INCA1: variants seen among roughly 807,000 people sequenced by gnomAD.
INCA1 encodes the protein inhibitor of CDK, cyclin A1 interacting protein 1, also known as protein INCA1.
A neutral mutation model predicts 25.7 loss-of-function variants in INCA1; 28 were observed. The observed-to-expected ratio is 1.09, with a 90% CI of 0.81 to 1.49. The LOEUF is 1.49. INCA1 is among the 40% of genes most tolerant of loss of function. INCA1 has a pLI of 0.00. For missense variants in INCA1, 309 were observed against 290.9 expected, an observed-to-expected ratio of 1.06 and a Z score of -0.45; for synonymous variants, 111 against 103.6, an observed-to-expected ratio of 1.07 and a Z score of -0.43.
intron 1 of INCA1, chr17:4,995,810 A>T (rs1239340406): frequency 2.0e-5 from 3 of 152,266 alleles, no homozygotes; most frequent in Admixed American, 6.5e-5. Context: ...ACATGCCTGT[A>T]ATCCCAGCTA....
exon 7 of INCA1, chr17:4,988,386 C>G (rs749351062): frequency 1.1e-5 from 17 of 1,580,192 alleles, no homozygotes; most frequent in Non-Finnish European, 1.5e-5. Context: ...ACTAGCCTCT[C>G]GGCATCGGTG....
At chr17:4,991,573 G>A (rs1267069607) in intron 2 of INCA1, among the ~76,000 whole-genome samples, 3 of 152,134 alleles carry the variant, frequency 2.0e-5, no homozygotes, top group African/African-American at 7.2e-5. Context: ...CTAAGAAATG[G>A]AGTATGTTAG....
intron 2 of INCA1, among the ~76,000 whole-genome samples, chr17:4,993,215 T>G (rs1171978198): frequency 1.3e-5 from 2 of 151,922 alleles, no homozygotes; most frequent in Non-Finnish European, 2.9e-5. Context: ...GTTTCACTCT[T>G]GTTGCCCGGG....
rs193231608 is a variant in INCA1 at position 4,989,965 on chromosome 17, G to A, written c.159-36C>T. 7.0e-4 allele frequency: 1,124 copies of A among 1,613,860 alleles called. 1 individual carries two copies. Among genetic ancestry groups the A allele is most frequent in the Middle Eastern group, 5.9e-3 (36 of 6,060 alleles). ...CAAAAAGGGGGCTATAAGTGCAGAG[G>A]GGACATGTCCATCCATATTGCTTCT... On this transcript the variant is annotated intron_variant, in intron 3 of 6. Coordinates refer to ENST00000576820, the Ensembl canonical transcript of INCA1.
At chr17:4,989,561 G>C in exon 5 of INCA1, 1 of 1,614,230 alleles carries the variant, frequency 6.2e-7, no homozygotes, top group East Asian at 2.2e-5. Flanking sequence ...CTTCTCCAAA[G>C]CATTTCAGGG....
chr17:4,991,079 C>T (rs1026370611), intron 2 of INCA1, among the ~76,000 whole-genome samples: 4 of 151,442 alleles, frequency 2.6e-5, no homozygotes, highest in African/African-American at 7.3e-5. Flanking sequence ...CTACCACGCC[C>T]GGCCAATTTT....
At chr17:4,996,203 G>T (rs571547551) in intron 1 of INCA1, among the ~76,000 whole-genome samples, 1 of 148,724 alleles carries the variant, frequency 6.7e-6, no homozygotes, top group Non-Finnish European at 1.5e-5. Flanking sequence ...TGGGCAACAT[G>T]GCGAAACCCC....
Position 4,990,278 on chromosome 17 carries a change from C to T in INCA1, c.45-13G>A. 1 of 1,609,102 alleles carries T rather than the reference C, an allele frequency of 6.2e-7. No individual in the cohort carries two copies. The highest frequency in any genetic ancestry group is 8.5e-7 in the Non-Finnish European group (1 of 1,177,486). ...CACCCTGGAACACCTGAGGTGAGGA[C>T]AAGGTAGGCTCGGGTCTGGCTCTTC... On this transcript the variant is annotated splice_polypyrimidine_tract_variant and intron_variant, in intron 2 of 6. Transcript: ENST00000576820.
exon 4 of INCA1, chr17:4,989,895 T>C (rs774146255): frequency 1.9e-6 from 3 of 1,614,168 alleles, no homozygotes; most frequent in Admixed American, 3.3e-5. Context: ...CTTACCAGCA[T>C]GGGTGGAATG....
intron 4 of INCA1, 76 bp downstream of exon 4, chr17:4,989,813 TA>T: frequency 1.9e-6 from 3 of 1,604,612 alleles, no homozygotes; most frequent in Non-Finnish European, 2.6e-6. Flanking sequence ...GAAGCGGTAA[TA>T]AGGAGAGCTT....
exon 7 of INCA1, chr17:4,988,531 G>C: frequency 6.2e-7 from 1 of 1,610,304 alleles, no homozygotes; most frequent in Non-Finnish European, 8.5e-7. Context: ...CCTGATCCAG[G>C]GGGCTCCAGG....
chr17:4,994,334 C>T (rs1344426648), intron 2 of INCA1, 60 bp downstream of exon 2: 13 of 1,482,438 alleles, frequency 8.8e-6, no homozygotes, highest in Admixed American at 8.4e-5. Flanking sequence ...GGGAAGGACC[C>T]AGGCATGCAA....
chr17:4,988,916 C>T lies in INCA1; in HGVS notation c.424G>A (p.Gly142Arg). ...AGCACCACTGGCTCAGATGCAGCCC[C>T]AGAGCTGCCCCACTGGGCCTTCTTC... Residue 142 changes from glycine (G) to arginine (R), a missense_variant, in exon 6 of 7, where the codon GGG becomes AGG. Transcript: ENST00000576820. 6.2e-7 allele frequency: 1 copy of T among 1,614,136 alleles called. No homozygotes were observed. The highest frequency in any genetic ancestry group is 8.5e-7 in the Non-Finnish European group (1 of 1,180,016).
At chr17:4,994,810 AAAAG>A (rs1597821359) in intron 1 of INCA1, among the ~76,000 whole-genome samples, 1 of 151,486 alleles carries the variant, frequency 6.6e-6, no homozygotes, top group Non-Finnish European at 1.5e-5. Flanking sequence ...AAAAAAAAAA[AAAAG>A]GCATTCATTC....
At chr17:4,993,105 C>A (rs2143219237) in intron 2 of INCA1, among the ~76,000 whole-genome samples, 1 of 151,616 alleles carries the variant, frequency 6.6e-6, no homozygotes, top group African/African-American at 2.4e-5. Flanking sequence ...GTCTTGAACC[C>A]CTGACCTAAG....
chr17:4,992,643 C>T (rs1202050357), intron 2 of INCA1, among the ~76,000 whole-genome samples: 2 of 117,046 alleles, frequency 1.7e-5, no homozygotes, highest in African/African-American at 5.6e-5. Flanking sequence ...CTCCCTTCCC[C>T]TCCCCTCCCC....
chr17:4,991,489 G>C (rs1471111694), intron 2 of INCA1, among the ~76,000 whole-genome samples: 1 of 152,194 alleles, frequency 6.6e-6, no homozygotes, highest in East Asian at 1.9e-4. Context: ...AAATAGGAGT[G>C]TGCAGAGCTG....
chr17:4,988,708 T>C, intron 6 of INCA1, 71 bp downstream of exon 6: 1 of 1,594,012 alleles, frequency 6.3e-7, no homozygotes, highest in Non-Finnish European at 8.6e-7. Flanking sequence ...GGCTCTCAGC[T>C]TCTGCATCTC....
At chr17:4,991,292 C>T (rs1339544177) in intron 2 of INCA1, among the ~76,000 whole-genome samples, 3 of 152,216 alleles carry the variant, frequency 2.0e-5, no homozygotes, top group African/African-American at 7.2e-5. Context: ...GCAGGTTGGA[C>T]AAGCTTGCTT....
Sources: gnomAD v4.1 joint callset for allele counts (sites outside exome capture counted in the v4.1 genomes callset) on GRCh38, gnomAD v4.1.1 for gene constraint, MANE v1.5 for transcripts, NCBI Gene and HGNC (gene_info 2026-07-23, HGNC 2026-07-21) for gene names.